CCDC7: variants seen among roughly 807,000 people sequenced by gnomAD.
CCDC7 encodes coiled-coil domain containing 7.
Under a neutral mutation model 196.9 loss-of-function variants are expected in CCDC7, and 183 were observed. The ratio of observed to expected loss-of-function variants is 0.93; its 90% CI spans 0.82 to 1.05. The LOEUF is 1.05. Ranked by LOEUF, CCDC7 falls within the 50% of genes least tolerant of loss-of-function variation. CCDC7 has a pLI of 0.00. For synonymous variants in CCDC7, 525 were observed against 484.6 expected (o/e 1.08, Z -1.10); for missense variants, 1,540 against 1,482.2 (o/e 1.04, Z -0.64).
intron 28 of CCDC7, among the ~76,000 whole-genome samples, chr10:32,771,207 T>A (rs950899945): frequency 5.3e-5 from 8 of 152,204 alleles, no homozygotes; most frequent in Non-Finnish European, 1.2e-4. Context: ...TCAGTGCATA[T>A]TGTGCTTTTG....
intron 20 of CCDC7, among the ~76,000 whole-genome samples, chr10:32,641,556 A>G (rs1216286983): frequency 1.3e-5 from 2 of 152,134 alleles, no homozygotes; most frequent in Non-Finnish European, 2.9e-5. Context: ...CATTCATCTA[A>G]TTGTTTTTCA....
intron 29 of CCDC7, among the ~76,000 whole-genome samples, chr10:32,784,644 T>G (rs1468751253): frequency 6.7e-6 from 1 of 149,150 alleles, no homozygotes; most frequent in South Asian, 2.3e-4. Context: ...CAATCTCGGC[T>G]CACTGCAACC....
At chr10:32,512,321 T>G (rs539745870) in intron 9 of CCDC7, 1 of 152,486 alleles carries the variant, frequency 6.6e-6, no homozygotes, top group East Asian at 1.9e-4. Context: ...CTTCATGACA[T>G]TTTTCTAGGG....
At chr10:32,846,581 C>G in intron 37 of CCDC7, 122 bp downstream of exon 38, 2 of 567,106 alleles carry the variant, frequency 3.5e-6, no homozygotes, top group Non-Finnish European at 6.3e-6. Flanking sequence ...TAAAATTCAT[C>G]ATGAATATCC....
At chr10:32,517,642 T>A (rs1228997125) in intron 9 of CCDC7, among the ~76,000 whole-genome samples, 2 of 134,710 alleles carry the variant, frequency 1.5e-5, no homozygotes, top group Admixed American at 7.3e-5. Flanking sequence ...GGGGGAGGGA[T>A]AGCATTAGGA....
intron 20 of CCDC7, among the ~76,000 whole-genome samples, chr10:32,638,326 C>T (rs2139727945): frequency 6.6e-6 from 1 of 152,310 alleles, no homozygotes; most frequent in Admixed American, 6.5e-5. Flanking sequence ...AAAGGGAATG[C>T]TTCCAGTTTT....
At chr10:32,832,283 C>A (rs1440722072) in intron 32 of CCDC7, among the ~76,000 whole-genome samples, 1 of 152,074 alleles carries the variant, frequency 6.6e-6, no homozygotes, top group East Asian at 1.9e-4. Flanking sequence ...GGGGGTGGAT[C>A]ACTTGAGGTC....
At chr10:32,600,380 A>G (rs949896266) in intron 18 of CCDC7, among the ~76,000 whole-genome samples, 5 of 151,590 alleles carry the variant, frequency 3.3e-5, no homozygotes, top group Non-Finnish European at 7.4e-5. Flanking sequence ...GGTGTATAGT[A>G]GTGCTACTGA....
intron 41 of CCDC7, among the ~76,000 whole-genome samples, chr10:32,860,193 C>A (rs936140228): frequency 6.6e-6 from 1 of 152,126 alleles, no homozygotes; most frequent in Non-Finnish European, 1.5e-5. Context: ...AATCCAGCAG[C>A]GCATCAAAAA....
At chr10:32,609,301 A>G (rs1224766164) in intron 18 of CCDC7, among the ~76,000 whole-genome samples, 2 of 152,006 alleles carry the variant, frequency 1.3e-5, no homozygotes, top group Non-Finnish European at 2.9e-5. Flanking sequence ...TGTTGTTTGC[A>G]TATATATTTA....
intron 5 of CCDC7, among the ~76,000 whole-genome samples, chr10:32,468,524 TA>T (rs1288438264): frequency 6.6e-6 from 1 of 152,210 alleles, no homozygotes; most frequent in African/African-American, 2.4e-5. Context: ...ATGTTGTCTA[TA>T]AATGGGAATA....
At chr10:32,871,457 C>T (rs2136818865) in intron 41 of CCDC7, among the ~76,000 whole-genome samples, 1 of 151,692 alleles carries the variant, frequency 6.6e-6, no homozygotes, top group Non-Finnish European at 1.5e-5. Flanking sequence ...TCCCCTTTAT[C>T]ATTTTTTATT....
chr10:32,483,690 A>T (rs2040431543), intron 8 of CCDC7, among the ~76,000 whole-genome samples: 1 of 152,132 alleles, frequency 6.6e-6, no homozygotes, highest in African/African-American at 2.4e-5. Context: ...TAAGGAAGGG[A>T]TCCAGTTTCA....
intron 11 of CCDC7, among the ~76,000 whole-genome samples, chr10:32,537,767 T>C (rs2050762447): frequency 6.6e-6 from 1 of 152,168 alleles, no homozygotes; most frequent in African/African-American, 2.4e-5. Flanking sequence ...CTTCATTGCT[T>C]GTTTTTGTCA....
chr10:32,820,981 T>C (rs1388568740), intron 31 of CCDC7, among the ~76,000 whole-genome samples: 1 of 151,944 alleles, frequency 6.6e-6, no homozygotes, highest in African/African-American at 2.4e-5. Flanking sequence ...CTAATTAAAC[T>C]GAAGAGCTTC....
chr10:32,684,957 ATTTTTT>A (rs34155403), intron 21 of CCDC7, among the ~76,000 whole-genome samples: 1 of 148,578 alleles, frequency 6.7e-6, no homozygotes, highest in African/African-American at 2.5e-5. Context: ...ATTTAATTTA[ATTTTTT>A]TTTTTTTTGA....
intron 9 of CCDC7, among the ~76,000 whole-genome samples, chr10:32,515,922 A>G (rs1275935021): frequency 1.3e-5 from 2 of 152,190 alleles, no homozygotes; most frequent in Non-Finnish European, 2.9e-5. Flanking sequence ...GCATTTTAGA[A>G]GAAGCATAGG....
At chr10:32,479,360 T>C (rs2039563224) in intron 8 of CCDC7, among the ~76,000 whole-genome samples, 2 of 152,244 alleles carry the variant, frequency 1.3e-5, no homozygotes, top group South Asian at 4.1e-4. Flanking sequence ...CTTGTGATAG[T>C]TGGCCATTAT....
intron 20 of CCDC7, among the ~76,000 whole-genome samples, chr10:32,660,147 TAAG>T: frequency 6.6e-6 from 1 of 151,708 alleles, no homozygotes; most frequent in African/African-American, 2.4e-5. Context: ...TATTATACTT[TAAG>T]TTTTAGGGTA....
Sources: allele counts gnomAD v4.1 joint callset (sites outside exome capture counted in the v4.1 genomes callset), GRCh38; gene constraint gnomAD v4.1.1; transcripts MANE v1.5; gene names NCBI Gene and HGNC (gene_info 2026-07-23, HGNC 2026-07-21).